CSMD1: variants seen among roughly 807,000 people sequenced by gnomAD.
The protein encoded by CSMD1 is CUB and sushi domain-containing protein 1.
In CSMD1, 213 loss-of-function variants were observed where a neutral mutation model predicts 417.5. The observed-to-expected ratio is 0.51, with a 90% CI of 0.46 to 0.57. CSMD1 has a LOEUF of 0.57. Among genes scored for constraint, CSMD1 ranks in the 20% least tolerant of loss-of-function variants. The pLI, the probability that CSMD1 is intolerant of heterozygous loss-of-function variation, is 0.00. For synonymous variants in CSMD1, 2,862 were observed against 1,736.8 expected (o/e 1.65, Z -16.11); for missense variants, 6,923 against 4,529.7 (o/e 1.53, Z -15.17).
intron 25 of CSMD1, among the ~76,000 whole-genome samples, chr8:3,295,740 C>T (rs892049664): frequency 6.6e-6 from 1 of 152,148 alleles, no homozygotes; most frequent in Admixed American, 6.5e-5. Context: ...TGATTACCGT[C>T]AGACTAAGAG....
chr8:3,651,582 A>C lies in CSMD1; in HGVS notation c.1010-34785T>G, dbSNP rs577439085. ...CTTGGCTGGCCACCACATCTAGAAC[A>C]CTAGAATAGCCCCTGCCCCCCTGCA... On this transcript the variant is annotated intron_variant, in intron 7 of 69. Transcript: ENST00000635120. Among the ~76,000 whole-genome samples the C allele has an allele frequency of 1.3e-4, 20 of 152,122 alleles. No homozygotes were observed. In the East Asian group the frequency reaches 3.7e-3, roughly 28 times the overall value.
intron 5 of CSMD1, among the ~76,000 whole-genome samples, chr8:3,827,429 T>A (rs1357228246): frequency 6.6e-6 from 1 of 152,198 alleles, no homozygotes; most frequent in Non-Finnish European, 1.5e-5. Flanking sequence ...AATAAACACA[T>A]CTTATTAAGC....
At chr8:3,196,333 A>G (rs1796701199) in intron 33 of CSMD1, among the ~76,000 whole-genome samples, 1 of 152,148 alleles carries the variant, frequency 6.6e-6, no homozygotes, top group Non-Finnish European at 1.5e-5. Context: ...TTAGCATATA[A>G]TCAAGAAATA....
chr8:3,033,636 A>C (rs904099707), intron 50 of CSMD1, among the ~76,000 whole-genome samples: 6 of 150,328 alleles, frequency 4.0e-5, no homozygotes, highest in African/African-American at 1.5e-4. Context: ...CATTAGGACA[A>C]ATACTTAAAC....
chr8:3,228,034 C>A (rs1374313135), intron 27 of CSMD1, among the ~76,000 whole-genome samples: 1 of 152,154 alleles, frequency 6.6e-6, no homozygotes, highest in East Asian at 1.9e-4. Context: ...TCCTAAAGTG[C>A]TGGGATTACA....
intron 17 of CSMD1, among the ~76,000 whole-genome samples, chr8:3,393,247 G>C (rs1041850963): frequency 6.6e-6 from 1 of 152,160 alleles, no homozygotes; most frequent in African/African-American, 2.4e-5. Flanking sequence ...AAGTCACAGT[G>C]CTGGAAAGTT....
At chr8:3,642,387 C>T (rs995224397) in intron 7 of CSMD1, among the ~76,000 whole-genome samples, 2 of 152,076 alleles carry the variant, frequency 1.3e-5, no homozygotes, top group African/African-American at 4.8e-5. Context: ...AACCTTAAGT[C>T]CACTTTCCCA....
intron 3 of CSMD1, among the ~76,000 whole-genome samples, chr8:4,364,257 G>C (rs1030747985): frequency 1.3e-5 from 2 of 152,134 alleles, no homozygotes; most frequent in African/African-American, 4.8e-5. Flanking sequence ...ACATCTCAAA[G>C]GGGCAGAAAG....
intron 4 of CSMD1, among the ~76,000 whole-genome samples, chr8:4,031,043 CA>C (rs1384675338): frequency 6.6e-6 from 1 of 152,194 alleles, no homozygotes; most frequent in Non-Finnish European, 1.5e-5. Flanking sequence ...ATATCATCAG[CA>C]CTTTGGTCAA....
intron 3 of CSMD1, among the ~76,000 whole-genome samples, chr8:4,042,633 T>G (rs1797948207): frequency 6.6e-6 from 1 of 151,650 alleles, no homozygotes; most frequent in African/African-American, 2.4e-5. Flanking sequence ...ATAAAATATA[T>G]TTTATTTTAA....
At chr8:3,854,743 G>A (rs1184912739) in intron 5 of CSMD1, among the ~76,000 whole-genome samples, 1 of 127,398 alleles carries the variant, frequency 7.8e-6, no homozygotes, top group Non-Finnish European at 1.6e-5. Flanking sequence ...ACTCCAGAGG[G>A]GGTAAAAAAG....
At chr8:3,378,327 G>A (rs952691346) in intron 18 of CSMD1, among the ~76,000 whole-genome samples, 1 of 152,140 alleles carries the variant, frequency 6.6e-6, no homozygotes. Flanking sequence ...AGTACAAAGA[G>A]GAGCTGGTAC....
intron 2 of CSMD1, among the ~76,000 whole-genome samples, chr8:4,599,032 C>G: frequency 6.6e-6 from 1 of 152,230 alleles, no homozygotes; most frequent in Middle Eastern, 3.4e-3. Flanking sequence ...GTATTAAACT[C>G]TTTACTTATT....
chr8:4,521,154 C>G (rs1002878389), intron 2 of CSMD1, among the ~76,000 whole-genome samples: 47 of 152,054 alleles, frequency 3.1e-4, no homozygotes, highest in African/African-American at 1.1e-3. Context: ...TGAACAGTGA[C>G]TTACAAAAAG....
chr8:3,173,833 T>C lies in CSMD1; in HGVS notation c.5725+7277A>G, dbSNP rs1447893355. ...GTAATATTAAAGTGCCATTAAAGCA[T>C]GTATTAATAATTTGAATGTGCTTAT... On this transcript the variant is annotated intron_variant, in intron 37 of 69. Coordinates refer to ENST00000635120, the MANE Select transcript of CSMD1 (RefSeq NM_033225.6). Among the ~76,000 whole-genome samples, 8 of 152,326 alleles carry C rather than the reference T, an allele frequency of 5.3e-5. No homozygotes were observed. In the East Asian group the frequency reaches 1.3e-3, roughly 26 times the overall value.
At chr8:4,221,664 G>A (rs1419896054) in intron 3 of CSMD1, among the ~76,000 whole-genome samples, 1 of 152,162 alleles carries the variant, frequency 6.6e-6, no homozygotes, top group African/African-American at 2.4e-5. Context: ...CTACTTGACA[G>A]GAGAGGCACT....
At chr8:3,702,605 CAGATCGCCTGAGGTCAGGAATTCA>C (rs1356479780) in intron 7 of CSMD1, among the ~76,000 whole-genome samples, 6 of 152,186 alleles carry the variant, frequency 3.9e-5, no homozygotes, top group Admixed American at 3.3e-4. Context: ...CCGAGGCAGG[CAGATCGCCTGAGGTCAGGAATTCA>C]AGATCAGCTT....
intron 10 of CSMD1, among the ~76,000 whole-genome samples, chr8:3,520,263 T>C (rs1366347710): frequency 1.3e-5 from 2 of 152,118 alleles, no homozygotes; most frequent in African/African-American, 2.4e-5. Flanking sequence ...GGAAGCACCA[T>C]ACCAAACTTG....
chr8:3,414,145 G>GA (rs200744652), intron 12 of CSMD1, among the ~76,000 whole-genome samples: 2,268 of 46,746 alleles, frequency 0.049, 54 homozygotes, highest in East Asian at 0.11. Context: ...TTAAAGAAAA[G>GA]AAAAAAAAAA....
Sources: allele counts gnomAD v4.1 joint callset (sites outside exome capture counted in the v4.1 genomes callset), GRCh38; gene constraint gnomAD v4.1.1; transcripts MANE v1.5; gene names NCBI Gene and HGNC (gene_info 2026-07-23, HGNC 2026-07-21).